The following AGPAT5 variants were observed in gnomAD, a reference collection of about 807,000 sequenced individuals.
The protein encoded by AGPAT5 is 1-acylglycerol-3-phosphate O-acyltransferase 5.
In AGPAT5, 46 loss-of-function variants were observed where a neutral mutation model predicts 45.6. The ratio of observed to expected loss-of-function variants is 1.01; its 90% CI spans 0.80 to 1.29. AGPAT5 has a LOEUF of 1.29. Among genes scored for constraint, AGPAT5 ranks in the 50% most tolerant of loss-of-function variants. The pLI, the probability that AGPAT5 is intolerant of heterozygous loss-of-function variation, is 0.00. For missense variants in AGPAT5, 673 were observed against 450.7 expected (o/e 1.49, Z -4.47); for synonymous variants, 272 against 167.0 (o/e 1.63, Z -4.85).
intron 2 of AGPAT5, among the ~76,000 whole-genome samples, chr8:6,729,546 T>C (rs2928630): frequency 0.75 from 114,268 of 152,050 alleles, 44,056 homozygotes; most frequent in African/African-American, 0.92. Context: ...CATCAGGAGA[T>C]AGTTTGTAGC....
chr8:6,714,790 C>G (rs1357678130), intron 1 of AGPAT5, among the ~76,000 whole-genome samples: 1 of 152,126 alleles, frequency 6.6e-6, no homozygotes, highest in Non-Finnish European at 1.5e-5. Context: ...TACCTGCATA[C>G]CTATGGGGAT....
intron 5 of AGPAT5, among the ~76,000 whole-genome samples, chr8:6,744,540 C>T (rs573123272): frequency 1.3e-5 from 2 of 152,030 alleles, no homozygotes; most frequent in Non-Finnish European, 2.9e-5. Context: ...TTCTCCTGTA[C>T]GGGGTCCTGT....
At chr8:6,721,753 G>T (rs563038187) in intron 1 of AGPAT5, among the ~76,000 whole-genome samples, 314 of 152,308 alleles carry the variant, frequency 2.1e-3, no homozygotes, top group African/African-American at 7.3e-3. Context: ...GGTAGCTAGG[G>T]CTTGTGAATT....
chr8:6,713,683 A>G (rs1298715989), intron 1 of AGPAT5, among the ~76,000 whole-genome samples: 1 of 151,894 alleles, frequency 6.6e-6, no homozygotes. Context: ...CCTCCTGAGT[A>G]GCTGGGACTA....
chr8:6,750,518 A>C (rs1801623670), intron 6 of AGPAT5, among the ~76,000 whole-genome samples: 1 of 152,226 alleles, frequency 6.6e-6, no homozygotes, highest in Non-Finnish European at 1.5e-5. Context: ...CCAGAGTAAA[A>C]TCAAGACTGA....
At chr8:6,709,203 T>G (rs1800050675) in intron 1 of AGPAT5, 1 of 410,970 alleles carries the variant, frequency 2.4e-6, no homozygotes, top group Non-Finnish European at 4.6e-6. Context: ...GGCACGCGTT[T>G]AGCAGTTTCT....
At chr8:6,753,596 C>T (rs1801727850) in intron 6 of AGPAT5, among the ~76,000 whole-genome samples, 1 of 152,076 alleles carries the variant, frequency 6.6e-6, no homozygotes, top group Non-Finnish European at 1.5e-5. Flanking sequence ...CACCCTTAGG[C>T]ACAGAGAGGC....
intron 3 of AGPAT5, among the ~76,000 whole-genome samples, chr8:6,731,145 A>G (rs1587025739): frequency 6.6e-6 from 1 of 152,114 alleles, no homozygotes; most frequent in East Asian, 1.9e-4. Flanking sequence ...ATAGGTGTGA[A>G]CTGCCATACC....
chr8:6,720,043 G>A (rs1007363988), intron 1 of AGPAT5, among the ~76,000 whole-genome samples: 4 of 152,162 alleles, frequency 2.6e-5, no homozygotes, highest in Non-Finnish European at 5.9e-5. Context: ...CCAACTGTGA[G>A]AGACATTCTG....
At chr8:6,718,166 G>C (rs1800393256) in intron 1 of AGPAT5, among the ~76,000 whole-genome samples, 1 of 152,196 alleles carries the variant, frequency 6.6e-6, no homozygotes, top group Non-Finnish European at 1.5e-5. Context: ...AGTACCAAAA[G>C]ACAGGATGTA....
At chr8:6,727,700 C>T (rs530554133) in intron 2 of AGPAT5, among the ~76,000 whole-genome samples, 1 of 152,290 alleles carries the variant, frequency 6.6e-6, no homozygotes, top group Admixed American at 6.5e-5. Flanking sequence ...CCTTTTTAAT[C>T]TCATGAAATG....
intron 1 of AGPAT5, among the ~76,000 whole-genome samples, chr8:6,722,825 G>T (rs1800551408): frequency 6.6e-6 from 1 of 150,426 alleles, no homozygotes; most frequent in Admixed American, 6.5e-5. Flanking sequence ...TAAATGAAAA[G>T]AGAAATTTTT....
rs1255798179 is a variant in AGPAT5 at position 6,759,043 on chromosome 8, T to C, written c.*1655T>C. The stretch of plus-strand genomic sequence containing the variant: ...TGTGGTGTGAATTGGTTTGTGTACA[T>C]TAGAATGTATGCACACATCCATGGA... On this transcript the variant is annotated 3_prime_UTR_variant, in exon 8 of 8. Coordinates refer to ENST00000285518, the MANE Select transcript of AGPAT5 (RefSeq NM_018361.5). 6.6e-6 allele frequency: 1 copy of C among 152,202 alleles called. No homozygotes were observed. The highest frequency in any genetic ancestry group is 1.5e-5 in the Non-Finnish European group (1 of 68,034). 9.4% of individuals were successfully genotyped at this position (152,202 alleles called of 1,614,324 possible). A position where few individuals can be genotyped will look rare whatever the true frequency, so the allele number is the denominator to read the frequency against.
At chr8:6,755,829 A>G (rs1024129788) in intron 7 of AGPAT5, among the ~76,000 whole-genome samples, 2 of 152,206 alleles carry the variant, frequency 1.3e-5, no homozygotes, top group Non-Finnish European at 2.9e-5. Flanking sequence ...TAAAAGTGTA[A>G]TAGGTTAACA....
At chr8:6,741,051 A>G (rs1454523581) in intron 4 of AGPAT5, among the ~76,000 whole-genome samples, 5 of 152,134 alleles carry the variant, frequency 3.3e-5, no homozygotes, top group African/African-American at 9.7e-5. Flanking sequence ...TACTTATTAA[A>G]CGTCCAGCTT....
At chr8:6,751,921 G>GT (rs1801668978) in intron 6 of AGPAT5, among the ~76,000 whole-genome samples, 1 of 152,136 alleles carries the variant, frequency 6.6e-6, no homozygotes, top group Non-Finnish European at 1.5e-5. Context: ...GCTCACGCGT[G>GT]TAATCCCAGC....
intron 1 of AGPAT5, among the ~76,000 whole-genome samples, chr8:6,720,483 C>T (rs1327763158): frequency 6.6e-6 from 1 of 152,138 alleles, no homozygotes; most frequent in Admixed American, 6.5e-5. Flanking sequence ...AAGGCTCCTC[C>T]ATGTTTGTAA....
chr8:6,736,717 A>C (rs747064012), intron 4 of AGPAT5, among the ~76,000 whole-genome samples: 8 of 152,222 alleles, frequency 5.3e-5, no homozygotes, highest in Non-Finnish European at 7.3e-5. Flanking sequence ...CCCAAACGAG[A>C]TTCTGAGTTG....
chr8:6,709,105 A>G, intron 1 of AGPAT5: 1 of 611,358 alleles, frequency 1.6e-6, no homozygotes, highest in Non-Finnish European at 2.9e-6. Flanking sequence ...TGAGGCTACG[A>G]GTGGGACCCG....
Sources: gnomAD v4.1 joint callset for allele counts (sites outside exome capture counted in the v4.1 genomes callset) on GRCh38, gnomAD v4.1.1 for gene constraint, MANE v1.5 for transcripts, NCBI Gene and HGNC (gene_info 2026-07-23, HGNC 2026-07-21) for gene names.